PLEKHA1: variants seen among roughly 807,000 people sequenced by gnomAD.
PLEKHA1 encodes pleckstrin homology domain-containing family A member 1.
Under a neutral mutation model 52.0 loss-of-function variants are expected in PLEKHA1, and 34 were observed. That is an observed-to-expected ratio of 0.65 (90% CI 0.50 to 0.87). The LOEUF (loss-of-function observed/expected upper bound fraction) is 0.87, where lower values mean the gene tolerates loss of function less well. Ranked by LOEUF, PLEKHA1 falls within the 40% of genes least tolerant of loss-of-function variation. PLEKHA1 has a pLI of 0.00. For missense variants in PLEKHA1, 497 were observed against 504.2 expected (o/e 0.99, Z 0.14); for synonymous variants, 163 against 170.7 (o/e 0.95, Z 0.35).
intron 5 of PLEKHA1, 66 bp from the exon 6 acceptor site, chr10:122,412,854 T>A: frequency 6.5e-7 from 1 of 1,545,746 alleles, no homozygotes; most frequent in Non-Finnish European, 8.9e-7. Context: ...TTAGAAATTC[T>A]GCGAGAAAAC....
rs376984427 is a variant in PLEKHA1 at position 122,386,252 on chromosome 10, T to C, written c.-20-6929T>C. Among the ~76,000 whole-genome samples, 8 of 152,264 alleles carry C rather than the reference T, an allele frequency of 5.3e-5. No homozygotes were observed. The East Asian group carries it at 1.3e-3, about 26-fold the overall frequency. ...TTCCTGACTAATTATAGTAGGCATCTATTCGTGTGCTTATTTACTATTTTT... is the reference window on the plus strand; with the variant it reads ...TTCCTGACTAATTATAGTAGGCATCCATTCGTGTGCTTATTTACTATTTTT... On this transcript the variant is annotated intron_variant, in intron 1 of 11. Coordinates refer to ENST00000368990, the MANE Select transcript of PLEKHA1 (RefSeq NM_001001974.4).
chr10:122,390,620 AT>A (rs1476218733), intron 1 of PLEKHA1, among the ~76,000 whole-genome samples: 2 of 152,114 alleles, frequency 1.3e-5, no homozygotes, highest in African/African-American at 4.8e-5. Context: ...TTTACAAAAA[AT>A]AAAAAAGTTA....
chr10:122,435,743 G>C (rs1417299965), downstream of PLEKHA1: 1 of 151,944 alleles, frequency 6.6e-6, no homozygotes, highest in African/African-American at 2.4e-5. Context: ...TTTTAATTAT[G>C]TCCTACCTGT....
chr10:122,391,547 A>T (rs2096775607), intron 1 of PLEKHA1, among the ~76,000 whole-genome samples: 1 of 152,106 alleles, frequency 6.6e-6, no homozygotes, highest in African/African-American at 2.4e-5. Flanking sequence ...TGGTATTAGC[A>T]CCCTTGTTGA....
chr10:122,438,729 T>G, the PLEKHA1 span: 1 of 152,220 alleles, frequency 6.6e-6, no homozygotes, highest in Non-Finnish European at 1.5e-5. Context: ...TAGTCATTTT[T>G]GTCACGCTCC....
At chr10:122,407,628 A>G (rs1368394093) in intron 5 of PLEKHA1, among the ~76,000 whole-genome samples, 2 of 152,230 alleles carry the variant, frequency 1.3e-5, no homozygotes, top group African/African-American at 2.4e-5. Context: ...GCACGTAGAT[A>G]GGCTCTATTT....
At chr10:122,428,450 T>TA in intron 11 of PLEKHA1, 1 of 1,386,552 alleles carries the variant, frequency 7.2e-7, no homozygotes, top group African/African-American at 1.4e-5. Context: ...CTTTTGCAGT[T>TA]ATCATAACTG....
intron 11 of PLEKHA1, 32 bp downstream of exon 11, chr10:122,427,063 C>G: frequency 6.4e-7 from 1 of 1,557,650 alleles, no homozygotes; most frequent in Non-Finnish European, 8.9e-7. Context: ...GTGATACTCC[C>G]TTGCGTCTCC....
chr10:122,430,049 G>A lies in PLEKHA1; in HGVS notation c.*111G>A. On this transcript the variant is annotated 3_prime_UTR_variant, in exon 12 of 12. Coordinates refer to ENST00000368990, the MANE Select transcript of PLEKHA1 (RefSeq NM_001001974.4). ...TGGTTTTTAGTGCGTATATTATACT[G>A]CCTCTTAGGTGTACTCTTTATAAGC... 1 of 1,160,580 alleles carries A rather than the reference G, an allele frequency of 8.6e-7. No homozygotes were observed. Among genetic ancestry groups the A allele is most frequent in the African/African-American group, 1.6e-5 (1 of 64,478 alleles). The allele number at this position is 1,160,580 out of a possible 1,614,324, so 71.9% of individuals were successfully genotyped here.
chr10:122,389,724 T>C (rs1047692202), intron 1 of PLEKHA1, among the ~76,000 whole-genome samples: 1 of 152,174 alleles, frequency 6.6e-6, no homozygotes, highest in Non-Finnish European at 1.5e-5. Context: ...AATTTTTTTT[T>C]CAGTAAAACA....
intron 6 of PLEKHA1, among the ~76,000 whole-genome samples, chr10:122,415,419 C>T (rs2097160031): frequency 6.6e-6 from 1 of 152,180 alleles, no homozygotes; most frequent in Non-Finnish European, 1.5e-5. Flanking sequence ...ACTGTATAGA[C>T]ACACATAGAT....
At position 122,380,361 on chromosome 10, in the gene PLEKHA1, G is replaced by C. The variant is rs1261130028; in HGVS notation, c.-21+5555G>C. On this transcript the variant is annotated intron_variant, in intron 1 of 11. Transcript: ENST00000368990. ...GTGTGGGGAAACAGACAAGAATCAG[G>C]TAAATAAGTAAACTGTATCATTCAT... 4.6e-5 allele frequency among the ~76,000 whole-genome samples: 7 copies of C among 152,194 alleles called. No individual in the cohort carries two copies. In the South Asian group the frequency reaches 1.5e-3, roughly 32 times the overall value.
chr10:122,410,813 ACTT>A (rs1239305996), intron 5 of PLEKHA1, among the ~76,000 whole-genome samples: 2 of 152,250 alleles, frequency 1.3e-5, no homozygotes, highest in East Asian at 1.9e-4. Flanking sequence ...GTCTGACTAA[ACTT>A]CTTGAGAGAA....
chr10:122,419,077 G>A (rs2097220168), intron 8 of PLEKHA1: 1 of 152,146 alleles, frequency 6.6e-6, no homozygotes, highest in South Asian at 2.1e-4. Flanking sequence ...TAGTGTATAG[G>A]AAGGGGATAT....
chr10:122,375,462 C>CA (rs1246976241), intron 1 of PLEKHA1, among the ~76,000 whole-genome samples: 1 of 151,916 alleles, frequency 6.6e-6, no homozygotes, highest in Non-Finnish European at 1.5e-5. Context: ...TGCCCAAGGT[C>CA]ACGCAGGTGG....
intron 1 of PLEKHA1, among the ~76,000 whole-genome samples, chr10:122,379,135 G>C (rs549003070): frequency 4.4e-4 from 67 of 152,296 alleles, no homozygotes; most frequent in Non-Finnish European, 8.1e-4. Context: ...GAAATTTTCT[G>C]TAGCTAAACC....
chr10:122,385,781 T>C (rs2096685466), intron 1 of PLEKHA1, among the ~76,000 whole-genome samples: 1 of 152,248 alleles, frequency 6.6e-6, no homozygotes, highest in African/African-American at 2.4e-5. Flanking sequence ...CAAAATACAT[T>C]TGACATTTAT....
intron 8 of PLEKHA1, chr10:122,422,885 T>C (rs2097279924): frequency 6.6e-6 from 1 of 152,172 alleles, no homozygotes; most frequent in Non-Finnish European, 1.5e-5. Context: ...TATTTACAAC[T>C]TAACCTTCAA....
At chr10:122,436,877 C>T (rs1405852686), downstream of PLEKHA1, 6 of 151,834 alleles carry the variant, frequency 4.0e-5, no homozygotes, top group African/African-American at 1.5e-4. Flanking sequence ...TCTTAAGGCT[C>T]CATTGCCTCT....
Sources: gnomAD v4.1 joint callset for allele counts (sites outside exome capture counted in the v4.1 genomes callset) on GRCh38, gnomAD v4.1.1 for gene constraint, MANE v1.5 for transcripts, NCBI Gene and HGNC (gene_info 2026-07-23, HGNC 2026-07-21) for gene names.